The following PTDSS1 variants were observed in gnomAD, a reference collection of about 807,000 sequenced individuals.
PTDSS1 encodes the protein phosphatidylserine synthase 1.
A neutral mutation model predicts 70.5 loss-of-function variants in PTDSS1; 45 were observed. The ratio of observed to expected loss-of-function variants is 0.64; its 90% CI spans 0.50 to 0.82. PTDSS1 has a LOEUF of 0.82. Ranked by LOEUF, PTDSS1 falls within the 40% of genes least tolerant of loss-of-function variation. PTDSS1 has a pLI of 0.00. For missense variants in PTDSS1, 417 were observed against 586.1 expected (o/e 0.71, Z 2.98); for synonymous variants, 188 against 203.8 (o/e 0.92, Z 0.66).
Position 96,262,109 on chromosome 8 carries a change from G to A in PTDSS1, c.69G>A (p.Met23Ile). The A allele has an allele frequency of 6.2e-7, 1 of 1,613,934 alleles. No individual in the cohort carries two copies. Among genetic ancestry groups the A allele is most frequent in the Non-Finnish European group, 8.5e-7 (1 of 1,179,830 alleles). The change falls in exon 1 of 13, where the codon ATG becomes ATA. Residue 23 changes from methionine to isoleucine, a missense_variant. Physicochemically the swap from Met to Ile is conservative, Grantham distance 10. This residue lies in a region of PTDSS1 where 38 missense variants were observed against 34.3 expected (regional missense o/e 1.11). Transcript: ENST00000517309. The surrounding 1 kb of genome is among the most constrained non-coding windows in gnomAD (Gnocchi z 4.4). ...TGAACTACAAAATGCATTTCCGGAT[G>A]ATCAACGAGCAGCAAGTGGAGGACA... ...DDVNYKMHFR[M>I]INEQQVEDIT...
At chr8:96,283,977 G>GA (rs56658341) in intron 2 of PTDSS1, 132 bp from the exon 3 acceptor site, 117,173 of 517,272 alleles carry the variant, frequency 0.23, 18 homozygotes, top group East Asian at 0.28. Flanking sequence ...TGTTTATGTA[G>GA]AAAAAAAAAA....
At chr8:96,269,548 G>C (rs1052518743) in intron 1 of PTDSS1, among the ~76,000 whole-genome samples, 2 of 152,134 alleles carry the variant, frequency 1.3e-5, no homozygotes, top group African/African-American at 4.8e-5. Flanking sequence ...CTTAGGCCAG[G>C]AAGAGTCAAG....
chr8:96,286,107 G>A (rs918875319), intron 3 of PTDSS1, among the ~76,000 whole-genome samples: 8 of 152,136 alleles, frequency 5.3e-5, no homozygotes, highest in South Asian at 2.1e-4. Context: ...AGCCACGGAC[G>A]TGCTCTCCTC....
chr8:96,307,093 G>A (rs867553456), intron 8 of PTDSS1, among the ~76,000 whole-genome samples: 1 of 152,164 alleles, frequency 6.6e-6, no homozygotes, highest in Non-Finnish European at 1.5e-5. Context: ...TGGGGCCCTA[G>A]AGGTGAGGCT....
At chr8:96,270,503 G>C (rs748168256) in intron 1 of PTDSS1, among the ~76,000 whole-genome samples, 13 of 152,148 alleles carry the variant, frequency 8.5e-5, no homozygotes, top group Non-Finnish European at 1.6e-4. Flanking sequence ...TGTTCTTTTT[G>C]TGCACCACCA....
In PTDSS1 at chr8:96,335,409, C is replaced by T. The variant is rs1400914; in HGVS notation, c.*1843C>T. ...TCTTTCTCACACCGGTGGTGCCTCA[C>T]TGAGTGTTTCCGGGTTCATTTTCCG... On this transcript the variant is annotated 3_prime_UTR_variant, in exon 13 of 13. Coordinates refer to ENST00000517309, the MANE Select transcript of PTDSS1 (RefSeq NM_014754.3). 63,250 of 152,126 alleles carry T rather than the reference C, an allele frequency of 0.42. 14,187 individuals carry two copies. The highest frequency in any genetic ancestry group is 0.59 in the East Asian group (3,056 of 5,172). The allele number at this position is 152,126 out of a possible 1,614,324, so 9.4% of individuals were successfully genotyped here. A position where few individuals can be genotyped will look rare whatever the true frequency, so the allele number is the denominator to read the frequency against.
intron 3 of PTDSS1, among the ~76,000 whole-genome samples, chr8:96,286,736 A>G (rs979607161): frequency 2.0e-5 from 3 of 152,140 alleles, no homozygotes; most frequent in African/African-American, 7.2e-5. Context: ...GTTGCGTGCA[A>G]TCCTCACACC....
Position 96,306,568 on chromosome 8 carries a change from C to G in PTDSS1, c.1007+12C>G, listed in dbSNP as rs1811127777. The G allele has an allele frequency of 3.8e-6, 6 of 1,568,858 alleles. No homozygotes were observed. In the African/African-American group the frequency reaches 6.8e-5, roughly 18 times the overall value. On this transcript the variant is annotated intron_variant, in intron 8 of 12. Coordinates refer to ENST00000517309, the MANE Select transcript of PTDSS1 (RefSeq NM_014754.3). ...GCTCCCACAGTGAGGTAATTCTGCA[C>G]AAGCCTGACTGTCATATGAGAACAT... is the stretch of plus-strand genomic sequence containing the variant.
chr8:96,325,405 C>T (rs1161866512), intron 10 of PTDSS1, among the ~76,000 whole-genome samples: 1 of 152,160 alleles, frequency 6.6e-6, no homozygotes, highest in Non-Finnish European at 1.5e-5. Context: ...AACAGACATG[C>T]TGGGGGTTGG....
At chr8:96,286,186 A>G (rs1341299741) in intron 3 of PTDSS1, among the ~76,000 whole-genome samples, 1 of 152,206 alleles carries the variant, frequency 6.6e-6, no homozygotes, top group Non-Finnish European at 1.5e-5. Flanking sequence ...GGTCATTTGT[A>G]TCACGGTCTC....
At chr8:96,305,484 A>G (rs1811109780) in intron 7 of PTDSS1, among the ~76,000 whole-genome samples, 1 of 152,144 alleles carries the variant, frequency 6.6e-6, no homozygotes, top group Admixed American at 6.6e-5. Context: ...TCCCAGCCAC[A>G]AGATATTTTG....
intron 1 of PTDSS1, among the ~76,000 whole-genome samples, chr8:96,266,073 AG>A (rs1428294129): frequency 6.6e-6 from 1 of 152,266 alleles, no homozygotes; most frequent in African/African-American, 2.4e-5. Flanking sequence ...CTCTGCATTC[AG>A]GGGTTGGTAA....
In PTDSS1 at chr8:96,332,785, C is replaced by CT. The variant is rs902398612; in HGVS notation, c.1313-663dup. ...ACAGTGGAGACTGTAACTCTGGTAA[C>CT]TTTTTTTTTGTTGGCAGCCTCAGGT... On this transcript the variant is annotated intron_variant, in intron 12 of 12. Transcript: ENST00000517309. Among the ~76,000 whole-genome samples the CT allele has an allele frequency of 2.6e-3, 396 of 151,850 alleles. 1 individual carries two copies. The highest frequency in any genetic ancestry group is 9.2e-3 in the African/African-American group (383 of 41,466).
intron 9 of PTDSS1, among the ~76,000 whole-genome samples, chr8:96,317,169 C>T (rs999527218): frequency 2.6e-5 from 4 of 151,870 alleles, no homozygotes; most frequent in African/African-American, 9.7e-5. Context: ...AAAAGCCAAG[C>T]CTACGGGTGG....
At position 96,279,786 on chromosome 8, in the gene PTDSS1, T is replaced by G. The variant is rs375323529; in HGVS notation, c.272-4323T>G. 3.9e-5 allele frequency among the ~76,000 whole-genome samples: 6 copies of G among 152,050 alleles called. 1 individual carries two copies. The highest frequency in any genetic ancestry group is 1.4e-4 in the African/African-American group (6 of 41,426). ...GTGAGCCGAGATTGCGCCACTGCAC[T>G]ACAGCTTAGGCAACAGAGCAATACT... On this transcript the variant is annotated intron_variant, in intron 2 of 12. Coordinates refer to ENST00000517309, the MANE Select transcript of PTDSS1 (RefSeq NM_014754.3).
At chr8:96,290,977 A>G (rs929291246) in intron 4 of PTDSS1, among the ~76,000 whole-genome samples, 24 of 149,980 alleles carry the variant, frequency 1.6e-4, no homozygotes, top group Non-Finnish European at 3.4e-4. Flanking sequence ...GATCACTGAA[A>G]TCCCGTTAGA....
intron 2 of PTDSS1, 137 bp downstream of exon 2, chr8:96,273,527 C>A: frequency 1.6e-6 from 1 of 644,576 alleles, no homozygotes; most frequent in Non-Finnish European, 2.6e-6. Flanking sequence ...GCTCTGGAGG[C>A]AGACTGCCCA....
In PTDSS1 at chr8:96,295,267, G is replaced by C; in HGVS notation, c.600+11G>C. On this transcript the variant is annotated intron_variant, in intron 5 of 12. Transcript: ENST00000517309. ...TGGGAGCTGACTGAGGTAAGAAGGA[G>C]GGCATTGGGGGTTCCCCAGACTGTG... 6.2e-7 allele frequency: 1 copy of C among 1,609,098 alleles called. No individual in the cohort carries two copies. The highest frequency in any genetic ancestry group is 8.5e-7 in the Non-Finnish European group (1 of 1,177,332).
At chr8:96,311,457 T>C (rs1189394659) in intron 9 of PTDSS1, among the ~76,000 whole-genome samples, 2 of 152,216 alleles carry the variant, frequency 1.3e-5, no homozygotes, top group Admixed American at 6.5e-5. Context: ...TAGAAGGAAC[T>C]AAAGATCACC....
Sources: allele counts gnomAD v4.1 joint callset (sites outside exome capture counted in the v4.1 genomes callset), GRCh38; gene constraint gnomAD v4.1.1; regional missense constraint gnomAD v4.1.1; non-coding constraint Gnocchi (gnomAD v3.1); transcripts MANE v1.5; gene names NCBI Gene and HGNC (gene_info 2026-07-23, HGNC 2026-07-21).